Variants in GIMAP2 observed in about 807,000 individuals in gnomAD.
GIMAP2 encodes the protein GTPase, IMAP family member 2, also known as GTPase IMAP family member 2.
Under a neutral mutation model 25.5 loss-of-function variants are expected in GIMAP2, and 22 were observed. That is an observed-to-expected ratio of 0.86 (90% confidence interval 0.62 to 1.23). GIMAP2 has a LOEUF of 1.23. GIMAP2 is among the 50% of genes most tolerant of loss of function. GIMAP2 has a pLI of 0.00. For synonymous variants in GIMAP2, 167 were observed against 143.0 expected (o/e 1.17, Z -1.20); for missense variants, 422 against 395.7 (o/e 1.07, Z -0.56).
rs140355454 is a variant in GIMAP2, at chr7:150,689,662, C to A, written c.28+2575C>A. 1.3e-5 allele frequency: 8 copies of A among 627,750 alleles called. No individual in the cohort carries two copies. In the East Asian group the frequency reaches 2.0e-4, roughly 15 times the overall value. The allele number at this position is 627,750 out of a possible 1,614,324, so 38.9% of individuals were successfully genotyped here. A position where few individuals can be genotyped will look rare whatever the true frequency, so the allele number is the denominator to read the frequency against. On this transcript the variant is annotated intron_variant, in intron 2 of 2. Coordinates refer to ENST00000223293, the MANE Select transcript of GIMAP2 (RefSeq NM_015660.3). ...TACTGTGAGGCCATAATTTCACTGG[C>A]CTACAGAAAATAAGATTAAATGTCC...
chr7:150,690,263 C>G (rs1435134309), intron 2 of GIMAP2, among the ~76,000 whole-genome samples: 1 of 152,252 alleles, frequency 6.6e-6, no homozygotes, highest in Non-Finnish European at 1.5e-5. Context: ...GCCCTGGGAC[C>G]TCCCTAGGTG....
At chr7:150,689,486 T>C (rs750966655) in intron 2 of GIMAP2, 2 of 702,918 alleles carry the variant, frequency 2.8e-6, no homozygotes, top group East Asian at 2.7e-5. Context: ...TCTGTTTTCA[T>C]AGGCGAGAGG....
At position 150,692,571 on chromosome 7, in the gene GIMAP2, G is replaced by A; in HGVS notation, c.285G>A (p.Val95=). The change falls in exon 3 of 3, where the codon GTG becomes GTA. Residue 95 remains valine (V), a synonymous_variant. Transcript: ENST00000223293. ...ACTGTGAAGCTCTGTACAAAGAGGT[G>A]CAGAGGTGCTACTTGCTGTCTGCAC... is the stretch of plus-strand genomic sequence containing the variant. ...KDHCEALYKE[V]QRCYLLSAPG... 6.2e-7 allele frequency: 1 copy of A among 1,614,116 alleles called. No individual in the cohort carries two copies. The highest frequency in any genetic ancestry group is 8.5e-7 in the Non-Finnish European group (1 of 1,179,974).
In GIMAP2 at chr7:150,692,544, C is replaced by A. The variant is rs375147167; in HGVS notation, c.258C>A (p.Asp86Glu). 171 of 1,613,982 alleles carry A rather than the reference C, an allele frequency of 1.1e-4. No homozygotes were observed. The highest frequency in any genetic ancestry group is 1.4e-4 in the Non-Finnish European group (164 of 1,179,982). The change falls in exon 3 of 3, where the codon GAC becomes GAA. Residue 86 changes from aspartate (D) to glutamate (E), a missense_variant. Transcript: ENST00000223293. ...IDTPDMFSWK[D>E]HCEALYKEVQ... ...CACCAGATATGTTTTCTTGGAAGGACCACTGTGAAGCTCTGTACAAAGAGG... is the reference window on the plus strand; with the variant it reads ...CACCAGATATGTTTTCTTGGAAGGAACACTGTGAAGCTCTGTACAAAGAGG...
chr7:150,692,964 A>G lies in GIMAP2; in HGVS notation c.678A>G (p.Lys226=). The change falls in exon 3 of 3, where the codon AAA becomes AAG. Residue 226 remains lysine, a synonymous_variant. Coordinates refer to ENST00000223293, the MANE Select transcript of GIMAP2 (RefSeq NM_015660.3). ...NGLYSLIQRS[K]CGPVGSDERV... is the part of the protein sequence containing the mutation. ...TGTACAGCCTAATACAGAGGTCTAA[A>G]TGTGGACCTGTGGGATCAGATGAAA... The G allele has an allele frequency of 6.2e-7, 1 of 1,614,142 alleles. No individual in the cohort carries two copies. Among genetic ancestry groups the G allele is most frequent in the Non-Finnish European group, 8.5e-7 (1 of 1,179,942 alleles).
intron 2 of GIMAP2, among the ~76,000 whole-genome samples, chr7:150,690,023 AC>A (rs1796947708): frequency 6.6e-6 from 1 of 152,190 alleles, no homozygotes; most frequent in Admixed American, 6.5e-5. Context: ...ATTATTAGGA[AC>A]TTTGCTTATG....
At chr7:150,688,333 G>A (rs1796926863) in intron 2 of GIMAP2, among the ~76,000 whole-genome samples, 1 of 152,230 alleles carries the variant, frequency 6.6e-6, no homozygotes, top group Non-Finnish European at 1.5e-5. Flanking sequence ...GTTTCACCAT[G>A]TTGGCCAGGC....
intron 2 of GIMAP2, among the ~76,000 whole-genome samples, 177 bp from the exon 3 acceptor site, chr7:150,692,138 T>C (rs1026957000): frequency 6.6e-6 from 1 of 150,584 alleles, no homozygotes; most frequent in Non-Finnish European, 1.5e-5. Context: ...GGCAGGAGAA[T>C]GGCGTGAACC....
Position 150,693,582 on chromosome 7 carries a change from CT to C in GIMAP2, c.*283del, listed in dbSNP as rs1355994866. 3 of 279,376 alleles carry C rather than the reference CT, an allele frequency of 1.1e-5. No homozygotes were observed. The Admixed American group carries it at 1.5e-4, about 14-fold the overall frequency. 17.3% of individuals were successfully genotyped at this position (279,376 alleles called of 1,614,324 possible). On this transcript the variant is annotated 3_prime_UTR_variant, in exon 3 of 3. Transcript: ENST00000223293. Reference sequence around the variant, plus strand: ...AAATCTCATTTTCTTCTTTCTAGTACTACTATTTCTACTGAATATAATGAAA... The same window carrying C: ...AAATCTCATTTTCTTCTTTCTAGTACACTATTTCTACTGAATATAATGAAA...
intron 2 of GIMAP2, chr7:150,687,406 G>A (rs1796916717): frequency 7.9e-6 from 2 of 252,714 alleles, no homozygotes; most frequent in South Asian, 1.1e-4. Flanking sequence ...CCAAGTAGCT[G>A]GGACTAAAGG....
At chr7:150,687,985 C>T (rs1796923117) in intron 2 of GIMAP2, among the ~76,000 whole-genome samples, 1 of 152,198 alleles carries the variant, frequency 6.6e-6, no homozygotes, top group Non-Finnish European at 1.5e-5. Context: ...ACTCAACCCT[C>T]ACCTGTGAGA....
At chr7:150,686,741 T>TC (rs1796904083) in intron 1 of GIMAP2, among the ~76,000 whole-genome samples, 1 of 151,598 alleles carries the variant, frequency 6.6e-6, no homozygotes, top group Non-Finnish European at 1.5e-5. Flanking sequence ...GTCAGGAGTT[T>TC]GAGACCAGCC....
At position 150,692,599 on chromosome 7, in the gene GIMAP2, G is replaced by C; in HGVS notation, c.313G>C (p.Gly105Arg). ...VQRCYLLSAP[G>R]PHVLLLVTQL... ...GAGGTGCTACTTGCTGTCTGCACCA[G>C]GACCCCATGTGCTGCTCCTGGTGAC... Residue 105 changes from glycine to arginine, a missense_variant, in exon 3 of 3, where the codon GGA (glycine) becomes CGA (arginine). By Grantham distance (125) the Gly-to-Arg change is moderately radical. Coordinates refer to ENST00000223293, the MANE Select transcript of GIMAP2 (RefSeq NM_015660.3). 6.2e-7 allele frequency: 1 copy of C among 1,614,142 alleles called. No individual in the cohort carries two copies. The highest frequency in any genetic ancestry group is 8.5e-7 in the Non-Finnish European group (1 of 1,180,004).
chr7:150,686,215 C>T (rs759872175), intron 1 of GIMAP2, among the ~76,000 whole-genome samples: 3 of 152,178 alleles, frequency 2.0e-5, no homozygotes, highest in Non-Finnish European at 2.9e-5. Context: ...ATTAATGGAT[C>T]AAGTGAAGTG....
intron 1 of GIMAP2, among the ~76,000 whole-genome samples, chr7:150,686,040 G>A (rs1704583583): frequency 6.6e-6 from 1 of 152,160 alleles, no homozygotes; most frequent in Non-Finnish European, 1.5e-5. Context: ...GCATTAATCG[G>A]TGGCTTTCAG....
chr7:150,690,937 G>A (rs994565899), intron 2 of GIMAP2, among the ~76,000 whole-genome samples: 2 of 152,144 alleles, frequency 1.3e-5, no homozygotes, highest in East Asian at 3.8e-4. Flanking sequence ...TCTAAGCTCT[G>A]ATATTCTGTG....
chr7:150,689,537 AGCGCG>A, intron 2 of GIMAP2: 1 of 703,156 alleles, frequency 1.4e-6, no homozygotes, highest in Non-Finnish European at 2.6e-6. Context: ...AGCAAGCTCC[AGCGCG>A]GTGTATCAGG....
intron 2 of GIMAP2, 114 bp from the exon 3 acceptor site, chr7:150,692,201 G>C: frequency 9.8e-7 from 1 of 1,015,664 alleles, no homozygotes; most frequent in Non-Finnish European, 1.4e-6. Flanking sequence ...CTCCAGCCTG[G>C]GCGACAGAGC....
intron 2 of GIMAP2, among the ~76,000 whole-genome samples, chr7:150,687,980 A>G (rs1055675303): frequency 6.6e-6 from 1 of 151,932 alleles, no homozygotes; most frequent in East Asian, 1.9e-4. Context: ...TTCACACTCA[A>G]CCCTCACCTG....
Sources: allele counts gnomAD v4.1 joint callset (sites outside exome capture counted in the v4.1 genomes callset), GRCh38; gene constraint gnomAD v4.1.1; transcripts MANE v1.5; gene names NCBI Gene and HGNC (gene_info 2026-07-23, HGNC 2026-07-21).